Variants in TYW1 observed in about 807,000 individuals in gnomAD.
TYW1 encodes tRNA-yW synthesizing protein 1 homolog.
Under a neutral mutation model 96.2 loss-of-function variants are expected in TYW1, and 46 were observed. The ratio of observed to expected loss-of-function variants is 0.48; its 90% CI spans 0.38 to 0.61. TYW1 has a LOEUF of 0.61. Among genes scored for constraint, TYW1 ranks in the 20% least tolerant of loss-of-function variants. The probability of loss-of-function intolerance (pLI) is 0.00; values close to 1 mark genes in which losing one functional copy is unlikely to be tolerated. For synonymous variants in TYW1, 274 were observed against 323.0 expected, an observed-to-expected ratio of 0.85 and a Z score of 1.63; for missense variants, 684 against 909.6, an observed-to-expected ratio of 0.75 and a Z score of 3.19.
chr7:67,018,223 C>G lies in TYW1; in HGVS notation c.861+80C>G, dbSNP rs559213864. The G allele has an allele frequency of 2.2e-5, 34 of 1,526,534 alleles. 2 individuals carry two copies. The South Asian group carries it at 3.7e-4, about 17-fold the overall frequency. The allele number at this position is 1,526,534 out of a possible 1,614,324, so 94.6% of individuals were successfully genotyped here. On this transcript the variant is annotated intron_variant, in intron 6 of 15. Transcript: ENST00000359626. ...CGAGCTTGACCTCTTTCTCAATAAA[C>G]CATCTCGTTGGCTTCTGGTTAGAAG...
chr7:67,064,705 G>A (rs529301793), intron 9 of TYW1, among the ~76,000 whole-genome samples: 9 of 152,240 alleles, frequency 5.9e-5, no homozygotes, highest in East Asian at 3.9e-4. Context: ...GTTCCTCCCC[G>A]GGTCTCTCCC....
intron 15 of TYW1, among the ~76,000 whole-genome samples, chr7:67,220,024 T>G (rs1217301180): frequency 6.6e-6 from 1 of 150,510 alleles, no homozygotes; most frequent in African/African-American, 2.5e-5. Flanking sequence ...AGTTCTTACC[T>G]TAGCATTGCT....
chr7:67,230,613 C>T (rs1329367881), intron 15 of TYW1, among the ~76,000 whole-genome samples: 3 of 150,890 alleles, frequency 2.0e-5, no homozygotes, highest in Non-Finnish European at 4.4e-5. Flanking sequence ...TATTGCTGCT[C>T]GCCCCTGCAC....
chr7:67,042,446 T>C (rs2129257076), intron 7 of TYW1, among the ~76,000 whole-genome samples: 1 of 152,104 alleles, frequency 6.6e-6, no homozygotes, highest in African/African-American at 2.4e-5. Context: ...GATGGAGATA[T>C]GGGAGGAATA....
chr7:67,093,757 TA>T (rs1193802044), intron 11 of TYW1, among the ~76,000 whole-genome samples: 1 of 152,150 alleles, frequency 6.6e-6, no homozygotes, highest in Non-Finnish European at 1.5e-5. Context: ...TACATAGTCA[TA>T]AAAGAAGACA....
chr7:67,065,150 T>A (rs973498527), intron 9 of TYW1, among the ~76,000 whole-genome samples: 5 of 152,228 alleles, frequency 3.3e-5, no homozygotes, highest in African/African-American at 1.2e-4. Context: ...TTCCATCTTA[T>A]GGGCTCTAGT....
intron 11 of TYW1, among the ~76,000 whole-genome samples, chr7:67,088,897 C>T (rs1464518381): frequency 1.3e-5 from 2 of 152,070 alleles, no homozygotes; most frequent in Non-Finnish European, 2.9e-5. Flanking sequence ...AATATTGTAT[C>T]TATGGGAATA....
intron 13 of TYW1, among the ~76,000 whole-genome samples, chr7:67,129,439 T>G (rs2116044645): frequency 6.6e-6 from 1 of 152,326 alleles, no homozygotes. Context: ...CCTCCAGCAC[T>G]TTGTCAATTA....
intron 13 of TYW1, among the ~76,000 whole-genome samples, chr7:67,160,834 T>G (rs181830247): frequency 6.6e-6 from 1 of 151,914 alleles, no homozygotes; most frequent in Non-Finnish European, 1.5e-5. Context: ...TCAAGTGATC[T>G]GCCCACCTCG....
rs896706789 is a variant in TYW1 at position 67,050,210 on chromosome 7, T to C, written c.1102+144T>C. On this transcript the variant is annotated intron_variant, in intron 8 of 15. Coordinates refer to ENST00000359626, the MANE Select transcript of TYW1 (RefSeq NM_018264.4). ...GTCTAAAGATTTACCTTTTTATTTC[T>C]GCGGATTGCTTCTGTTGGCTGCCTG... 1.4e-5 allele frequency: 14 copies of C among 1,005,378 alleles called. No homozygotes were observed. In the African/African-American group the frequency reaches 1.5e-4, roughly 11 times the overall value. The allele number at this position is 1,005,378 out of a possible 1,614,324, so 62.3% of individuals were successfully genotyped here. A position where few individuals can be genotyped will look rare whatever the true frequency, so the allele number is the denominator to read the frequency against.
rs1797972616 is a variant in TYW1 at position 67,128,562 on chromosome 7, T to G, written c.1698+10944T>G. On this transcript the variant is annotated intron_variant, in intron 13 of 15. Transcript: ENST00000359626. ...TTTGCTTTTTGCCTTTTAGTGTGCC[T>G]TGTAACTTCTTGTCACTGAACGTGA... is the stretch of plus-strand genomic sequence containing the variant. Among the ~76,000 whole-genome samples the G allele has an allele frequency of 2.0e-5, 3 of 152,164 alleles. No individual in the cohort carries two copies. In the South Asian group the frequency reaches 6.2e-4, roughly 31 times the overall value.
intron 15 of TYW1, among the ~76,000 whole-genome samples, chr7:67,235,541 G>T (rs1441797812): frequency 6.6e-6 from 1 of 152,150 alleles, no homozygotes; most frequent in African/African-American, 2.4e-5. Context: ...CATGTCTCAA[G>T]ATGTCAGTAG....
chr7:67,106,719 A>G (rs1163676841), intron 12 of TYW1, among the ~76,000 whole-genome samples: 1 of 152,208 alleles, frequency 6.6e-6, no homozygotes, highest in Non-Finnish European at 1.5e-5. Context: ...GTTAACTGTT[A>G]TGTATCATAA....
At chr7:67,059,569 G>A (rs1283347784) in intron 9 of TYW1, among the ~76,000 whole-genome samples, 5 of 149,292 alleles carry the variant, frequency 3.3e-5, no homozygotes, top group African/African-American at 4.9e-5. Flanking sequence ...GTATAAGGTC[G>A]TGGTAGCCTT....
At chr7:67,038,560 C>A (rs573965940) in intron 7 of TYW1, among the ~76,000 whole-genome samples, 1 of 150,172 alleles carries the variant, frequency 6.7e-6, no homozygotes, top group African/African-American at 2.5e-5. Flanking sequence ...GAGCTATGAT[C>A]GCACCACTGC....
intron 3 of TYW1, among the ~76,000 whole-genome samples, chr7:67,001,097 T>C (rs1449095063): frequency 4.0e-5 from 6 of 151,512 alleles, no homozygotes. Flanking sequence ...TTAAAAAAAA[T>C]GATCAAAAAG....
intron 14 of TYW1, among the ~76,000 whole-genome samples, chr7:67,185,837 A>G (rs1305508529): frequency 6.7e-6 from 1 of 149,728 alleles, no homozygotes; most frequent in Admixed American, 6.7e-5. Context: ...GGGAAAGCCA[A>G]CTCTGCTCAT....
At chr7:67,216,307 A>C (rs1801195938) in intron 15 of TYW1, among the ~76,000 whole-genome samples, 1 of 136,692 alleles carries the variant, frequency 7.3e-6, no homozygotes, top group East Asian at 2.0e-4. Flanking sequence ...AATATTGTGC[A>C]TTTCATCTAA....
At chr7:67,221,062 G>A (rs1801378346) in intron 15 of TYW1, among the ~76,000 whole-genome samples, 1 of 152,174 alleles carries the variant, frequency 6.6e-6, no homozygotes. Context: ...TTCTCTGGTT[G>A]TTGTATCTAT....
Sources: allele counts gnomAD v4.1 joint callset (sites outside exome capture counted in the v4.1 genomes callset), GRCh38; gene constraint gnomAD v4.1.1; transcripts MANE v1.5; gene names NCBI Gene and HGNC (gene_info 2026-07-23, HGNC 2026-07-21).